SLC7A2: variants seen among roughly 807,000 people sequenced by gnomAD.
SLC7A2 encodes the protein solute carrier family 7 member 2.
A neutral mutation model predicts 58.9 loss-of-function variants in SLC7A2; 48 were observed. The observed-to-expected ratio is 0.82, with a 90% confidence interval of 0.65 to 1.04. The LOEUF (loss-of-function observed/expected upper bound fraction) is 1.04. Ranked by LOEUF, SLC7A2 falls within the 50% of genes least tolerant of loss-of-function variation. The pLI, the probability that SLC7A2 is intolerant of heterozygous loss-of-function variation, is 0.00. For missense variants in SLC7A2, 1,029 were observed against 818.8 expected, an observed-to-expected ratio of 1.26 and a Z score of -3.13; for synonymous variants, 363 against 314.5, an observed-to-expected ratio of 1.15 and a Z score of -1.63.
intron 4 of SLC7A2, among the ~76,000 whole-genome samples, chr8:17,547,700 G>A (rs1025185383): frequency 1.3e-4 from 19 of 151,964 alleles, no homozygotes; most frequent in African/African-American, 4.1e-4. Context: ...CTATAAATAA[G>A]GGATGAATTA....
chr8:17,522,696 T>A (rs10099901), intron 2 of SLC7A2, among the ~76,000 whole-genome samples: 73,206 of 151,776 alleles, frequency 0.48, 18,674 homozygotes, highest in Middle Eastern at 0.59. Flanking sequence ...AGCTAATAGC[T>A]AGTGAGGGAA....
intron 4 of SLC7A2, among the ~76,000 whole-genome samples, chr8:17,545,304 G>C (rs901394203): frequency 3.3e-5 from 5 of 151,548 alleles, no homozygotes; most frequent in African/African-American, 9.7e-5. Flanking sequence ...TTCTCGTTTG[G>C]TTCCTAGTAA....
At chr8:17,563,533 C>G (rs1253365546) in intron 11 of SLC7A2, 70 bp from the exon 12 acceptor site, 1 of 905,298 alleles carries the variant, frequency 1.1e-6, no homozygotes, top group Admixed American at 1.9e-5. Flanking sequence ...TAATTGCCAC[C>G]CTGTTGAAAT....
intron 5 of SLC7A2, 35 bp downstream of exon 5, chr8:17,548,878 T>A (rs751996697): frequency 4.5e-6 from 7 of 1,553,170 alleles, no homozygotes; most frequent in Non-Finnish European, 5.3e-6. Flanking sequence ...TTCTCCTTCT[T>A]GTTTAAGAAA....
At chr8:17,546,567 T>C (rs1802183996) in intron 4 of SLC7A2, among the ~76,000 whole-genome samples, 1 of 152,238 alleles carries the variant, frequency 6.6e-6, no homozygotes, top group Admixed American at 6.5e-5. Context: ...ACATGAAATA[T>C]AAAGGTGGCT....
At chr8:17,539,497 C>G (rs139098174) in intron 2 of SLC7A2, among the ~76,000 whole-genome samples, 1,568 of 152,212 alleles carry the variant, frequency 0.01, 21 homozygotes, top group African/African-American at 0.036. Context: ...TCAAGAGACG[C>G]CACTGTCTCA....
intron 7 of SLC7A2, among the ~76,000 whole-genome samples, chr8:17,553,686 G>A (rs1802555146): frequency 6.6e-6 from 1 of 152,208 alleles, no homozygotes; most frequent in Non-Finnish European, 1.5e-5. Flanking sequence ...ACTGAGGTGG[G>A]AGGATCGCTT....
intron 2 of SLC7A2, among the ~76,000 whole-genome samples, chr8:17,535,202 C>T (rs578208657): frequency 3.9e-5 from 6 of 152,092 alleles, no homozygotes; most frequent in Non-Finnish European, 8.8e-5. Flanking sequence ...TCTGGCTTCC[C>T]CATCCCTAAG....
intron 4 of SLC7A2, among the ~76,000 whole-genome samples, chr8:17,545,734 C>T (rs973107060): frequency 6.6e-6 from 1 of 152,032 alleles, no homozygotes; most frequent in African/African-American, 2.4e-5. Flanking sequence ...TACCTGCAGT[C>T]CTGCTTATGT....
intron 2 of SLC7A2, among the ~76,000 whole-genome samples, chr8:17,532,595 C>G (rs1017078708): frequency 9.9e-5 from 15 of 152,028 alleles, no homozygotes; most frequent in Admixed American, 8.5e-4. Flanking sequence ...AAGTTGAATT[C>G]AGTCTATGCA....
In SLC7A2 at chr8:17,568,390, A is replaced by G. The variant is rs999117126; in HGVS notation, c.*3244A>G. 3 of 152,184 alleles carry G rather than the reference A, an allele frequency of 2.0e-5. No homozygotes were observed. The highest frequency in any genetic ancestry group is 1.3e-4 in the Admixed American group (2 of 15,272). The allele number at this position is 152,184 out of a possible 1,614,324, so 9.4% of individuals were successfully genotyped here. On this transcript the variant is annotated 3_prime_UTR_variant, in exon 13 of 13. Transcript: ENST00000494857. ...ATATACTAAAATACTGATTATCTTA[A>G]TCACATTTTCCCCAGAGATAAACAT...
In SLC7A2 at chr8:17,543,595, T is replaced by C; in HGVS notation, c.256T>C (p.Tyr86His). 1.2e-6 allele frequency: 2 copies of C among 1,607,062 alleles called. No homozygotes were observed. The highest frequency in any genetic ancestry group is 1.7e-6 in the Non-Finnish European group (2 of 1,176,596). ...GGCTTCAGTGATGGCTGGCCTCTGC[T>C]ATGCCGAATTTGGGGCCCGTGTTCC... ...ALASVMAGLC[Y>H]AEFGARVPKT... Residue 86 changes from tyrosine (Y) to histidine (H), a missense_variant, in exon 3 of 13, where the codon TAT (tyrosine) becomes CAT (histidine). Transcript: ENST00000494857.
At chr8:17,530,757 G>C (rs1291050670) in intron 2 of SLC7A2, among the ~76,000 whole-genome samples, 2 of 151,950 alleles carry the variant, frequency 1.3e-5, no homozygotes, top group East Asian at 1.9e-4. Context: ...ACTTTTAGTA[G>C]AGACGGGTTT....
chr8:17,502,557 A>G (rs1265438003), intron 2 of SLC7A2, among the ~76,000 whole-genome samples: 3 of 152,186 alleles, frequency 2.0e-5, no homozygotes. Context: ...ATTTCCATGA[A>G]GTTACGGAGT....
intron 2 of SLC7A2, among the ~76,000 whole-genome samples, chr8:17,515,789 C>G (rs1800781939): frequency 6.6e-6 from 1 of 152,118 alleles, no homozygotes; most frequent in South Asian, 2.1e-4. Flanking sequence ...GGCAGATAAC[C>G]TTGTCTAATA....
At chr8:17,510,124 G>A (rs1800541892) in intron 2 of SLC7A2, among the ~76,000 whole-genome samples, 4 of 152,058 alleles carry the variant, frequency 2.6e-5, no homozygotes. Context: ...GGGGGCCAAG[G>A]CAGGAGCATC....
intron 2 of SLC7A2, among the ~76,000 whole-genome samples, chr8:17,503,521 T>C (rs1800250341): frequency 6.6e-6 from 1 of 152,214 alleles, no homozygotes; most frequent in Admixed American, 6.5e-5. Flanking sequence ...TCGCAGAATA[T>C]TTGCAGCTTG....
intron 10 of SLC7A2, 94 bp from the exon 11 acceptor site, chr8:17,561,850 G>A: frequency 1.7e-6 from 2 of 1,188,662 alleles, no homozygotes; most frequent in Middle Eastern, 2.5e-4. Context: ...GATGTGTACA[G>A]AAGTCAGTGT....
rs1803211713 is a variant in SLC7A2 at position 17,565,195 on chromosome 8, C to G, written c.*49C>G. Reference sequence around the variant, plus strand: ...ATCGTCTTAGCATACATATCCTACACTGAGTAAACCGTAACGGGATGTCAT... The same window carrying G: ...ATCGTCTTAGCATACATATCCTACAGTGAGTAAACCGTAACGGGATGTCAT... On this transcript the variant is annotated 3_prime_UTR_variant, in exon 13 of 13. Transcript: ENST00000494857. 7.0e-7 allele frequency: 1 copy of G among 1,419,240 alleles called. No individual in the cohort carries two copies. The highest frequency in any genetic ancestry group is 9.7e-7 in the Non-Finnish European group (1 of 1,029,624). 87.9% of individuals were successfully genotyped at this position (1,419,240 alleles called of 1,614,324 possible). A position where few individuals can be genotyped will look rare whatever the true frequency, so the allele number is the denominator to read the frequency against.
Sources: gnomAD v4.1 joint callset for allele counts (sites outside exome capture counted in the v4.1 genomes callset) on GRCh38, gnomAD v4.1.1 for gene constraint, MANE v1.5 for transcripts, NCBI Gene and HGNC (gene_info 2026-07-23, HGNC 2026-07-21) for gene names.